Variants in CACNA1H observed in about 807,000 individuals in gnomAD.
CACNA1H encodes the protein voltage-dependent T-type calcium channel subunit alpha-1H.
A neutral mutation model predicts 192.5 loss-of-function variants in CACNA1H; 149 were observed. The observed-to-expected ratio is 0.77, with a 90% CI of 0.68 to 0.89. The LOEUF (loss-of-function observed/expected upper bound fraction) is 0.89. CACNA1H is among the 40% of genes least tolerant of loss of function. The probability of loss-of-function intolerance (pLI) is 0.00; values close to 1 mark genes in which losing one functional copy is unlikely to be tolerated. For missense variants in CACNA1H, 4,257 were observed against 3,423.5 expected, an observed-to-expected ratio of 1.24 and a Z score of -6.08; for synonymous variants, 2,202 against 1,475.2, an observed-to-expected ratio of 1.49 and a Z score of -11.29.
chr16:1,187,107 C>G (rs1966148505), intron 2 of CACNA1H, among the ~76,000 whole-genome samples: 1 of 152,286 alleles, frequency 6.6e-6, no homozygotes, highest in African/African-American at 2.4e-5. Flanking sequence ...GCTGATAGCG[C>G]CTGTGGGAAT....
rs576067205 is a variant in CACNA1H, at chr16:1,184,110, G to A, written c.300-10862G>A. ...GGGACACCAGCCCATTGCACAGGGTGTAGGCGGGACTGCTCTAGACCCCAG... is the reference window on the plus strand; with the variant it reads ...GGGACACCAGCCCATTGCACAGGGTATAGGCGGGACTGCTCTAGACCCCAG... On this transcript the variant is annotated intron_variant, in intron 2 of 34. Coordinates refer to ENST00000348261, the MANE Select transcript of CACNA1H (RefSeq NM_021098.3). Among the ~76,000 whole-genome samples the A allele has an allele frequency of 5.9e-5, 9 of 152,334 alleles. 1 individual carries two copies. Among genetic ancestry groups the A allele is most frequent in the African/African-American group, 2.2e-4 (9 of 41,586 alleles).
chr16:1,181,674 G>A (rs116502941), intron 2 of CACNA1H, among the ~76,000 whole-genome samples: 186 of 152,326 alleles, frequency 1.2e-3, no homozygotes, highest in African/African-American at 3.7e-3. Context: ...AAAATTGTGC[G>A]CAGTTAGAGG....
intron 24 of CACNA1H, 60 bp from the exon 25 acceptor site, chr16:1,211,886 A>G (rs532536070): frequency 1.2e-6 from 2 of 1,609,842 alleles, no homozygotes; most frequent in African/African-American, 1.3e-5. Flanking sequence ...TCGGGGGGCC[A>G]TCCTGGGTAG....
chr16:1,205,879 G>A (rs981199651), intron 11 of CACNA1H, among the ~76,000 whole-genome samples: 2 of 152,202 alleles, frequency 1.3e-5, no homozygotes, highest in Non-Finnish European at 2.9e-5. Flanking sequence ...TTCTTTCCCA[G>A]GGGGCACTGG....
At chr16:1,212,550 C>T (rs754265850) in intron 26 of CACNA1H, 22 bp downstream of exon 26, 5 of 1,607,712 alleles carry the variant, frequency 3.1e-6, no homozygotes, top group African/African-American at 1.3e-5. Flanking sequence ...GTCCCGCATG[C>T]CTCAGGCCCC....
At chr16:1,211,629 A>G (rs1481344786) in intron 23 of CACNA1H, 23 bp downstream of exon 23, 1 of 1,609,336 alleles carries the variant, frequency 6.2e-7, no homozygotes, top group Non-Finnish European at 8.5e-7. Flanking sequence ...GCCGGGCGGG[A>G]GCTGGGGGTC....
intron 2 of CACNA1H, among the ~76,000 whole-genome samples, chr16:1,173,205 G>T (rs1360826307): frequency 2.6e-5 from 4 of 152,188 alleles, no homozygotes; most frequent in African/African-American, 9.7e-5. Flanking sequence ...CTGGAAGGGG[G>T]CAGTAGATGG....
At position 1,167,446 on chromosome 16, in the gene CACNA1H, C is replaced by T. The variant is rs796113313; in HGVS notation, c.299+13410C>T. 3.3e-4 allele frequency among the ~76,000 whole-genome samples: 50 copies of T among 152,242 alleles called. No homozygotes were observed. The highest frequency in any genetic ancestry group is 1.2e-3 in the African/African-American group (49 of 41,530). On this transcript the variant is annotated intron_variant, in intron 2 of 34. Coordinates refer to ENST00000348261, the MANE Select transcript of CACNA1H (RefSeq NM_021098.3). The surrounding 1 kb of genome is among the most constrained non-coding windows in gnomAD (Gnocchi z 4.2). ...ATCCGTCCTCTGGAGAATTTCAACA[C>T]CCACACTTGGAATAAAAAAAAAAAT...
intron 2 of CACNA1H, chr16:1,157,531 A>C (rs1962584990): frequency 6.6e-6 from 1 of 151,918 alleles, no homozygotes; most frequent in Admixed American, 6.5e-5. Context: ...GTCCCCCGGG[A>C]GTGTGAGAGG....
chr16:1,162,971 C>T (rs1443181258), intron 2 of CACNA1H, among the ~76,000 whole-genome samples: 1 of 152,252 alleles, frequency 6.6e-6, no homozygotes, highest in East Asian at 1.9e-4. Flanking sequence ...GCGGAGCTAT[C>T]CTTGGCTCCA....
intron 5 of CACNA1H, among the ~76,000 whole-genome samples, chr16:1,197,011 G>C (rs1307940835): frequency 6.6e-6 from 1 of 152,124 alleles, no homozygotes; most frequent in African/African-American, 2.4e-5. Context: ...TGGCACTCAG[G>C]GCTTGACCTG....
chr16:1,181,830 C>G (rs1312729713), intron 2 of CACNA1H, among the ~76,000 whole-genome samples: 5 of 152,134 alleles, frequency 3.3e-5, no homozygotes, highest in Non-Finnish European at 7.4e-5. Flanking sequence ...GAGCCCGGCC[C>G]ATGCACACAG....
chr16:1,180,633 C>T lies in CACNA1H; in HGVS notation c.300-14339C>T, dbSNP rs1237090698. ...GTGTGTCGGGTGGGGAGTGGCCCACCTGGCCTTGGCTTTCCCGGGGCAGGT... is the reference window on the plus strand; with the variant it reads ...GTGTGTCGGGTGGGGAGTGGCCCACTTGGCCTTGGCTTTCCCGGGGCAGGT... On this transcript the variant is annotated intron_variant, in intron 2 of 34. Coordinates refer to ENST00000348261, the MANE Select transcript of CACNA1H (RefSeq NM_021098.3). This position sits in a 1 kb window ranked among gnomAD's most constrained non-coding sequence, Gnocchi z 4.4. Among the ~76,000 whole-genome samples, 2 of 145,306 alleles carry T rather than the reference C, an allele frequency of 1.4e-5. No individual in the cohort carries two copies. The highest frequency in any genetic ancestry group is 2.3e-4 in the East Asian group (1 of 4,282).
chr16:1,185,162 T>C (rs7201343), intron 2 of CACNA1H, among the ~76,000 whole-genome samples: 17,488 of 152,256 alleles, frequency 0.11, 2,382 homozygotes, highest in African/African-American at 0.33. Flanking sequence ...CGGGTTCACC[T>C]GTGTTGTGGC....
intron 21 of CACNA1H, 93 bp downstream of exon 21, chr16:1,211,064 G>T: frequency 4.5e-6 from 7 of 1,554,094 alleles, no homozygotes; most frequent in South Asian, 1.2e-5. Flanking sequence ...TGGGCTGTTC[G>T]CAGGCCGCCC....
In CACNA1H at chr16:1,218,404, C is replaced by T. The variant is rs757358788; in HGVS notation, c.5640C>T (p.Ile1880=). ...AGGATGCGGAGCTGGACGCCGAGAT[C>T]GAGCTGGAGATGGCGCAGGGCCCCG... ...AREDAELDAE[I]ELEMAQGPGS... The change falls in exon 33 of 35, where the codon ATC becomes ATT. Residue 1880 remains isoleucine, a synonymous_variant. Transcript: ENST00000348261. The T allele has an allele frequency of 1.5e-5, 23 of 1,556,964 alleles. No individual in the cohort carries two copies. In the South Asian group the frequency reaches 1.5e-4, roughly 10 times the overall value.
Position 1,155,873 on chromosome 16 carries a change from C to T in CACNA1H, c.299+1837C>T, listed in dbSNP as rs370986575. The stretch of plus-strand genomic sequence containing the variant: ...AGGAGGGCTGGGGCCAGCGGCATCA[C>T]GTGACCCAAGCGCTGTCCCCCGGTG... On this transcript the variant is annotated intron_variant, in intron 2 of 34. Transcript: ENST00000348261. 2.0e-4 allele frequency among the ~76,000 whole-genome samples: 31 copies of T among 152,226 alleles called. No individual in the cohort carries two copies. In the East Asian group the frequency reaches 5.6e-3, roughly 28 times the overall value.
rs1970437522 is a variant in CACNA1H, at chr16:1,220,928, T to C, written c.6996T>C (p.Pro2332=). The change falls in exon 35 of 35, where the codon CCT becomes CCC. Residue 2332 remains proline (P), a synonymous_variant. Coordinates refer to ENST00000348261, the MANE Select transcript of CACNA1H (RefSeq NM_021098.3). ...TGTACCTCACAGTCCCCCAGTGTCC[T>C]CTGGAGAAACCAGGGTCCCCCTCAG... is the stretch of plus-strand genomic sequence containing the variant. ...RGLYLTVPQC[P]LEKPGSPSAT... 1 of 1,609,576 alleles carries C rather than the reference T, an allele frequency of 6.2e-7. No individual in the cohort carries two copies. The highest frequency in any genetic ancestry group is 1.3e-5 in the African/African-American group (1 of 74,638).
intron 11 of CACNA1H, 100 bp from the exon 12 acceptor site, chr16:1,206,004 G>C (rs1053992210): frequency 1.0e-4 from 119 of 1,151,754 alleles, no homozygotes; most frequent in Non-Finnish European, 1.4e-4. Flanking sequence ...TGCAGCACAG[G>C]CCGCTGTGGC....
Sources: allele counts gnomAD v4.1 joint callset (sites outside exome capture counted in the v4.1 genomes callset), GRCh38; gene constraint gnomAD v4.1.1; non-coding constraint Gnocchi (gnomAD v3.1); transcripts MANE v1.5; gene names NCBI Gene and HGNC (gene_info 2026-07-23, HGNC 2026-07-21).